Variants in XKR6 observed in about 807,000 individuals in gnomAD.
XKR6 encodes XK related 6.
In XKR6, 22 loss-of-function variants were observed where a neutral mutation model predicts 56.7. The ratio of observed to expected loss-of-function variants is 0.39; its 90% CI spans 0.28 to 0.55. The LOEUF is 0.55. Among genes scored for constraint, XKR6 ranks in the 20% least tolerant of loss-of-function variants. The pLI is 0.66. For missense variants in XKR6, 852 were observed against 889.0 expected, an observed-to-expected ratio of 0.96 and a Z score of 0.53; for synonymous variants, 524 against 387.8, an observed-to-expected ratio of 1.35 and a Z score of -4.13.
intron 1 of XKR6, among the ~76,000 whole-genome samples, chr8:11,119,602 G>C (rs942999420): frequency 1.3e-5 from 2 of 152,090 alleles, no homozygotes; most frequent in Admixed American, 6.6e-5. Context: ...TTTAAAGTCT[G>C]TTTTATCCGA....
chr8:11,139,545 T>C (rs1170970292), intron 1 of XKR6, among the ~76,000 whole-genome samples: 1 of 152,064 alleles, frequency 6.6e-6, no homozygotes, highest in East Asian at 1.9e-4. Context: ...AGGGACTAGA[T>C]GAGCCTCACC....
chr8:11,190,592 A>T (rs532416418), intron 1 of XKR6, among the ~76,000 whole-genome samples: 1 of 152,346 alleles, frequency 6.6e-6, no homozygotes, highest in Non-Finnish European at 1.5e-5. Context: ...AAGACTTACA[A>T]GCCTACCCTA....
At chr8:11,145,552 A>T (rs7010804) in intron 1 of XKR6, among the ~76,000 whole-genome samples, 7,950 of 152,288 alleles carry the variant, frequency 0.052, 695 homozygotes, top group African/African-American at 0.18. Flanking sequence ...TAAAAACATC[A>T]ACTGTATTTC....
chr8:11,124,201 C>G lies in XKR6; in HGVS notation c.764+76375G>C, dbSNP rs561094381. Reference sequence around the variant, plus strand: ...TCATTTGAGGGAGAAAAAAGCCAACCTTAATGCTATTCTATTATCAAGCAT... The same window carrying G: ...TCATTTGAGGGAGAAAAAAGCCAACGTTAATGCTATTCTATTATCAAGCAT... On this transcript the variant is annotated intron_variant, in intron 1 of 2. Coordinates refer to ENST00000416569, the MANE Select transcript of XKR6 (RefSeq NM_173683.4). 2.8e-4 allele frequency: 99 copies of G among 355,156 alleles called. 3 individuals are homozygous for G. Among genetic ancestry groups the G allele is most frequent in the South Asian group, 2.1e-3 (98 of 46,902 alleles). 22.0% of individuals were successfully genotyped at this position (355,156 alleles called of 1,614,324 possible). A position where few individuals can be genotyped will look rare whatever the true frequency, so the allele number is the denominator to read the frequency against.
At chr8:11,042,525 T>C in intron 1 of XKR6, among the ~76,000 whole-genome samples, 1 of 152,230 alleles carries the variant, frequency 6.6e-6, no homozygotes, top group South Asian at 2.1e-4. Flanking sequence ...CTTCTTTGCC[T>C]TCTGCCATGA....
chr8:10,977,022 G>A (rs1283232268), intron 1 of XKR6, among the ~76,000 whole-genome samples: 1 of 152,118 alleles, frequency 6.6e-6, no homozygotes, highest in Non-Finnish European at 1.5e-5. Context: ...AGAAAAGGAT[G>A]AACAGCTGCC....
At chr8:10,948,075 G>C (rs767849734) in intron 1 of XKR6, among the ~76,000 whole-genome samples, 7 of 152,178 alleles carry the variant, frequency 4.6e-5, no homozygotes, top group Non-Finnish European at 8.8e-5. Flanking sequence ...AGGGGACTCA[G>C]GATATAACAG....
intron 2 of XKR6, among the ~76,000 whole-genome samples, chr8:10,921,935 GATC>G (rs1243793693): frequency 6.6e-6 from 1 of 152,212 alleles, no homozygotes; most frequent in African/African-American, 2.4e-5. Flanking sequence ...TTTGAGAGGT[GATC>G]AGGCCATAAG....
chr8:11,182,253 G>A (rs1181561442), intron 1 of XKR6, among the ~76,000 whole-genome samples: 1 of 152,170 alleles, frequency 6.6e-6, no homozygotes, highest in Non-Finnish European at 1.5e-5. Flanking sequence ...CACAGGTGAC[G>A]TCGTAGGATG....
chr8:11,194,874 G>A, intron 1 of XKR6: 1 of 468,536 alleles, frequency 2.1e-6, no homozygotes, highest in Non-Finnish European at 3.8e-6. Flanking sequence ...TTGACACTTT[G>A]TTTCTGGATC....
intron 1 of XKR6, among the ~76,000 whole-genome samples, chr8:11,155,297 C>T (rs182838348): frequency 3.3e-5 from 5 of 152,158 alleles, no homozygotes; most frequent in South Asian, 4.1e-4. Context: ...TAGTTAATTA[C>T]GGGTCGAGTA....
At chr8:11,174,672 T>C (rs960462413) in intron 1 of XKR6, among the ~76,000 whole-genome samples, 1 of 152,214 alleles carries the variant, frequency 6.6e-6, no homozygotes, top group Non-Finnish European at 1.5e-5. Context: ...TGTCTTCCTC[T>C]GGTTACTTAC....
At chr8:10,999,542 C>G (rs575410884) in intron 1 of XKR6, among the ~76,000 whole-genome samples, 2 of 152,238 alleles carry the variant, frequency 1.3e-5, no homozygotes, top group African/African-American at 4.8e-5. Flanking sequence ...TCACTGATCA[C>G]CAGATTCTAG....
intron 1 of XKR6, among the ~76,000 whole-genome samples, chr8:11,193,616 T>TA (rs1201220044): frequency 6.6e-6 from 1 of 152,026 alleles, no homozygotes; most frequent in East Asian, 1.9e-4. Context: ...AATTATTTCC[T>TA]AAAAGAGCTC....
At chr8:11,195,026 A>G in intron 1 of XKR6, 1 of 623,998 alleles carries the variant, frequency 1.6e-6, no homozygotes, top group Non-Finnish European at 2.9e-6. Flanking sequence ...ATAAATCTTT[A>G]GAGATGTTCT....
rs2129142303 is a variant in XKR6 at position 10,998,288 on chromosome 8, C to CAT, written c.765-73459_765-73458insAT. On this transcript the variant is annotated intron_variant, in intron 1 of 2. Transcript: ENST00000416569. ...GGCTACACACACACACACACATACA[C>CAT]ACACACACACACCTCTTAGTTGTCA... Among the ~76,000 whole-genome samples the CAT allele has an allele frequency of 3.3e-5, 5 of 152,230 alleles. No individual in the cohort carries two copies. In the East Asian group the frequency reaches 9.6e-4, roughly 29 times the overall value.
intron 1 of XKR6, among the ~76,000 whole-genome samples, chr8:10,976,843 G>GT (rs1399646649): frequency 1.3e-5 from 2 of 152,018 alleles, no homozygotes; most frequent in African/African-American, 2.4e-5. Flanking sequence ...ATAGCGATGT[G>GT]GCCTCCCTGA....
At position 11,194,741 on chromosome 8, in the gene XKR6, T is replaced by G. The variant is rs77509366; in HGVS notation, c.764+5835A>C. On this transcript the variant is annotated intron_variant, in intron 1 of 2. Coordinates refer to ENST00000416569, the MANE Select transcript of XKR6 (RefSeq NM_173683.4). ...GCACTGCATAAGCCTGACTAGGCAA[T>G]TGACCTTATGAATAAGTCTATAGTA... 11 of 181,052 alleles carry G rather than the reference T, an allele frequency of 6.1e-5. No individual in the cohort carries two copies. The South Asian group carries it at 1.5e-3, about 25-fold the overall frequency. 11.2% of individuals were successfully genotyped at this position (181,052 alleles called of 1,614,324 possible). A position where few individuals can be genotyped will look rare whatever the true frequency, so the allele number is the denominator to read the frequency against.
intron 1 of XKR6, among the ~76,000 whole-genome samples, chr8:11,018,391 C>T (rs1243502767): frequency 2.6e-5 from 4 of 152,224 alleles, no homozygotes; most frequent in African/African-American, 9.6e-5. Flanking sequence ...CCAGCGCCTT[C>T]CTCCCCTGCA....
Sources: allele counts gnomAD v4.1 joint callset (sites outside exome capture counted in the v4.1 genomes callset), GRCh38; gene constraint gnomAD v4.1.1; transcripts MANE v1.5; gene names NCBI Gene and HGNC (gene_info 2026-07-23, HGNC 2026-07-21).